The following CTNNBIP1 variants were observed in gnomAD, a reference collection of about 807,000 sequenced individuals.
CTNNBIP1 encodes the protein catenin beta interacting protein 1, also known as beta-catenin-interacting protein 1.
In CTNNBIP1, 7 loss-of-function variants were observed where a neutral mutation model predicts 11.8. The ratio of observed to expected loss-of-function variants is 0.60; its 90% CI spans 0.34 to 1.12. CTNNBIP1 has a LOEUF of 1.12. CTNNBIP1 is among the 50% of genes most tolerant of loss of function. The probability of loss-of-function intolerance (pLI) is 0.03; values close to 1 mark genes in which losing one functional copy is unlikely to be tolerated. For missense variants in CTNNBIP1, 101 were observed against 113.4 expected (o/e 0.89, Z 0.50); for synonymous variants, 58 against 43.9 (o/e 1.32, Z -1.26).
chr1:9,859,757 A>C (rs1337259177), intron 5 of CTNNBIP1, among the ~76,000 whole-genome samples: 1 of 152,254 alleles, frequency 6.6e-6, no homozygotes, highest in Non-Finnish European at 1.5e-5. Context: ...GAGCAAGGGC[A>C]TTTCACAGAC....
chr1:9,910,133 G>C lies in CTNNBIP1; in HGVS notation c.-182C>G, dbSNP rs1046544256. On this transcript the variant is annotated 5_prime_UTR_variant, in exon 1 of 6. Transcript: ENST00000377263. ...CCCGGCCGGGCCGGCAGGGGCAGCGGGTCCGGCGCGCAGCGCGCGGCGGCC... is the reference window on the plus strand; with the variant it reads ...CCCGGCCGGGCCGGCAGGGGCAGCGCGTCCGGCGCGCAGCGCGCGGCGGCC... 1 of 146,802 alleles carries C rather than the reference G, an allele frequency of 6.8e-6. No homozygotes were observed. Among genetic ancestry groups the C allele is most frequent in the African/African-American group, 2.4e-5 (1 of 40,946 alleles). The allele number at this position is 146,802 out of a possible 1,614,324, so 9.1% of individuals were successfully genotyped here. A position where few individuals can be genotyped will look rare whatever the true frequency, so the allele number is the denominator to read the frequency against.
At chr1:9,875,886 T>C (rs966558274) in intron 3 of CTNNBIP1, among the ~76,000 whole-genome samples, 5 of 152,180 alleles carry the variant, frequency 3.3e-5, no homozygotes, top group Admixed American at 3.3e-4. Context: ...TGGAGCAAAC[T>C]CATAATTGGA....
Position 9,872,438 on chromosome 1 carries a change from A to G in CTNNBIP1, c.-24-350T>C, listed in dbSNP as rs1638883776. Among the ~76,000 whole-genome samples the G allele has an allele frequency of 6.6e-6, 1 of 152,238 alleles. No homozygotes were observed. Among genetic ancestry groups the G allele is most frequent in the Admixed American group, 6.5e-5 (1 of 15,290 alleles). ...AAGCTCCTGCTACAAGCCACAGGAC[A>G]CGTGGTGCATGAAGCCCCAAATGTC... On this transcript the variant is annotated intron_variant, in intron 3 of 5. Coordinates refer to ENST00000377263, the MANE Select transcript of CTNNBIP1 (RefSeq NM_020248.3). The surrounding 1 kb of genome is among the most constrained non-coding windows in gnomAD (Gnocchi z 4.0).
chr1:9,852,836 C>T (rs4846057), intron 5 of CTNNBIP1, among the ~76,000 whole-genome samples: 12 of 152,154 alleles, frequency 7.9e-5, no homozygotes, highest in Admixed American at 3.3e-4. Context: ...GAGCTGCAGG[C>T]ACAAAAATAG....
intron 1 of CTNNBIP1, among the ~76,000 whole-genome samples, chr1:9,887,770 T>A (rs1639215230): frequency 6.6e-6 from 1 of 152,006 alleles, no homozygotes. Flanking sequence ...TCCAACCCAC[T>A]GCCAATCAGA....
At chr1:9,892,487 G>A (rs1050607389) in intron 1 of CTNNBIP1, among the ~76,000 whole-genome samples, 2 of 151,840 alleles carry the variant, frequency 1.3e-5, no homozygotes, top group Admixed American at 1.3e-4. Flanking sequence ...CAGTTACTTG[G>A]GAGGCTGAGG....
Position 9,850,299 on chromosome 1 carries a change from A to T in CTNNBIP1, c.*419T>A, listed in dbSNP as rs935072. On this transcript the variant is annotated 3_prime_UTR_variant, in exon 6 of 6. Coordinates refer to ENST00000377263, the MANE Select transcript of CTNNBIP1 (RefSeq NM_020248.3). ...TTTCCCATTAACCAGCCAATCACAGATCCTTTCCAGTTTAAGCAGCCAATC... is the reference window on the plus strand; with the variant it reads ...TTTCCCATTAACCAGCCAATCACAGTTCCTTTCCAGTTTAAGCAGCCAATC... 0.3 allele frequency: 48,180 copies of T among 159,564 alleles called. 10,183 individuals carry two copies. Among genetic ancestry groups the T allele is most frequent in the African/African-American group, 0.62 (25,512 of 41,280 alleles). The allele number at this position is 159,564 out of a possible 1,614,324, so 9.9% of individuals were successfully genotyped here. A position where few individuals can be genotyped will look rare whatever the true frequency, so the allele number is the denominator to read the frequency against.
chr1:9,894,503 G>A (rs570657158), intron 1 of CTNNBIP1, among the ~76,000 whole-genome samples: 8 of 151,580 alleles, frequency 5.3e-5, no homozygotes, highest in Admixed American at 3.9e-4. Context: ...TTAGAGGTGT[G>A]CACAACCACA....
rs1470155083 is a variant in CTNNBIP1 at position 9,905,803 on chromosome 1, A to G, written c.-144+4292T>C. On this transcript the variant is annotated intron_variant, in intron 1 of 5. Coordinates refer to ENST00000377263, the MANE Select transcript of CTNNBIP1 (RefSeq NM_020248.3). ...TCTCTCCCACTAGAAGATAAACTTC[A>G]TAAGAGCATGCCTCTTAAAGACCGT... Among the ~76,000 whole-genome samples the G allele has an allele frequency of 4.6e-5, 7 of 152,162 alleles. No individual in the cohort carries two copies. The South Asian group carries it at 1.2e-3, about 27-fold the overall frequency.
At position 9,883,437 on chromosome 1, in the gene CTNNBIP1, C is replaced by A. The variant is rs1639123139; in HGVS notation, c.-110+268G>T. Among the ~76,000 whole-genome samples, 1 of 152,096 alleles carries A rather than the reference C, an allele frequency of 6.6e-6. No individual in the cohort carries two copies. On this transcript the variant is annotated intron_variant, in intron 2 of 5. Coordinates refer to ENST00000377263, the MANE Select transcript of CTNNBIP1 (RefSeq NM_020248.3). The surrounding 1 kb of genome is among the most constrained non-coding windows in gnomAD (Gnocchi z 5.6). ...CAGGGCAGGGGAGAGGTCCACCTGCCCCATCCCATGTCTACTCAGGCCCCA... is the reference window on the plus strand; with the variant it reads ...CAGGGCAGGGGAGAGGTCCACCTGCACCATCCCATGTCTACTCAGGCCCCA...
chr1:9,899,951 G>C (rs1639490131), intron 1 of CTNNBIP1, among the ~76,000 whole-genome samples: 1 of 151,848 alleles, frequency 6.6e-6, no homozygotes, highest in South Asian at 2.1e-4. Flanking sequence ...GCACATGCCT[G>C]TAATCCCAGG....
chr1:9,877,082 G>C (rs1053538079), intron 3 of CTNNBIP1, among the ~76,000 whole-genome samples: 1 of 152,234 alleles, frequency 6.6e-6, no homozygotes, highest in African/African-American at 2.4e-5. Flanking sequence ...CTTCTTCCCA[G>C]CCTTTGCAGG....
chr1:9,909,813 G>A (rs1274377150), intron 1 of CTNNBIP1, among the ~76,000 whole-genome samples: 1 of 152,110 alleles, frequency 6.6e-6, no homozygotes, highest in Non-Finnish European at 1.5e-5. Context: ...GCGATGACAG[G>A]CACCCGGACG....
At chr1:9,879,065 C>T (rs1197928309) in intron 2 of CTNNBIP1, among the ~76,000 whole-genome samples, 3 of 151,998 alleles carry the variant, frequency 2.0e-5, no homozygotes, top group East Asian at 1.9e-4. Context: ...GACGTGGTGG[C>T]GGGCGCCTGT....
intron 2 of CTNNBIP1, chr1:9,878,262 C>T (rs1639012078): frequency 6.6e-6 from 1 of 152,394 alleles, no homozygotes; most frequent in Non-Finnish European, 1.5e-5. Flanking sequence ...ACACCACACC[C>T]CCTGCTCCCC....
chr1:9,904,948 T>C (rs1409967976), intron 1 of CTNNBIP1, among the ~76,000 whole-genome samples: 1 of 152,140 alleles, frequency 6.6e-6, no homozygotes, highest in Non-Finnish European at 1.5e-5. Flanking sequence ...AGGACTGTCA[T>C]CAACCTAGCT....
chr1:9,863,077 C>T (rs58608569), intron 5 of CTNNBIP1, among the ~76,000 whole-genome samples: 57 of 152,314 alleles, frequency 3.7e-4, no homozygotes, highest in African/African-American at 1.3e-3. Context: ...TCCCTGGAGC[C>T]GCAGCCAGGT....
Position 9,867,927 on chromosome 1 carries a change from G to C in CTNNBIP1, c.187+3260C>G, listed in dbSNP as rs1447628416. Among the ~76,000 whole-genome samples, 1 of 152,220 alleles carries C rather than the reference G, an allele frequency of 6.6e-6. No homozygotes were observed. Among genetic ancestry groups the C allele is most frequent in the African/African-American group, 2.4e-5 (1 of 41,464 alleles). On this transcript the variant is annotated intron_variant, in intron 5 of 5. Transcript: ENST00000377263. This position sits in a 1 kb window ranked among gnomAD's most constrained non-coding sequence, Gnocchi z 4.6. ...GCCCACATGGCACAGGCAGATGCAGGGTCCTGCCCTCACATGGGTAAGCCC... is the reference window on the plus strand; with the variant it reads ...GCCCACATGGCACAGGCAGATGCAGCGTCCTGCCCTCACATGGGTAAGCCC...
At chr1:9,902,923 G>A (rs944741373) in intron 1 of CTNNBIP1, among the ~76,000 whole-genome samples, 2 of 152,044 alleles carry the variant, frequency 1.3e-5, no homozygotes, top group South Asian at 4.1e-4. Flanking sequence ...GTACCACCAC[G>A]CCAGGCTAAT....
Sources: gnomAD v4.1 joint callset for allele counts (sites outside exome capture counted in the v4.1 genomes callset) on GRCh38, gnomAD v4.1.1 for gene constraint, Gnocchi (gnomAD v3.1) non-coding constraint, MANE v1.5 for transcripts, NCBI Gene and HGNC (gene_info 2026-07-23, HGNC 2026-07-21) for gene names.